Variants in NRG1 observed in about 807,000 individuals in gnomAD.
NRG1 encodes neuregulin 1, also known as pro-neuregulin-1, membrane-bound isoform.
Under a neutral mutation model 63.8 loss-of-function variants are expected in NRG1, and 18 were observed. That is an observed-to-expected ratio of 0.28 (90% CI 0.19 to 0.42). NRG1 has a LOEUF of 0.42. Among genes scored for constraint, NRG1 ranks in the 10% least tolerant of loss-of-function variants. NRG1 has a pLI of 1.00. For missense variants in NRG1, 762 were observed against 814.7 expected, an observed-to-expected ratio of 0.94 and a Z score of 0.79; for synonymous variants, 302 against 301.3, an observed-to-expected ratio of 1.00 and a Z score of -0.02.
At chr8:32,490,446 C>CAGGT (rs1826421831) in intron 1 of NRG1, among the ~76,000 whole-genome samples, 1 of 151,802 alleles carries the variant, frequency 6.6e-6, no homozygotes, top group African/African-American at 2.4e-5. Flanking sequence ...TGCAAATGAA[C>CAGGT]AGGTACTGGG....
chr8:32,136,078 C>T (rs1003090357), intron 1 of NRG1, among the ~76,000 whole-genome samples: 3 of 152,034 alleles, frequency 2.0e-5, no homozygotes, highest in Admixed American at 6.6e-5. Context: ...CATTTTTGCT[C>T]ATCTTACGAT....
intron 1 of NRG1, among the ~76,000 whole-genome samples, chr8:32,557,655 A>G (rs1389274486): frequency 1.3e-5 from 2 of 152,202 alleles, no homozygotes; most frequent in Non-Finnish European, 2.9e-5. Context: ...GATTATGATT[A>G]TAATTTTTTT....
intron 1 of NRG1, among the ~76,000 whole-genome samples, chr8:32,308,929 A>C (rs1392626739): frequency 6.6e-6 from 1 of 152,170 alleles, no homozygotes; most frequent in Non-Finnish European, 1.5e-5. Flanking sequence ...ATCACACCTC[A>C]GTGAAGACAG....
intron 1 of NRG1, among the ~76,000 whole-genome samples, chr8:32,210,437 C>G (rs1335621885): frequency 6.6e-6 from 1 of 152,148 alleles, no homozygotes; most frequent in Non-Finnish European, 1.5e-5. Flanking sequence ...CAGCTTTCAT[C>G]TCACAGACCT....
At chr8:32,366,654 TGTGTG>T (rs1808044754) in intron 1 of NRG1, among the ~76,000 whole-genome samples, 1 of 109,162 alleles carries the variant, frequency 9.2e-6, no homozygotes, top group Non-Finnish European at 2.0e-5. Flanking sequence ...TAATATATAT[TGTGTG>T]TGTGTGTGTG....
At chr8:31,878,457 A>T (rs993990588) in intron 1 of NRG1, among the ~76,000 whole-genome samples, 4 of 152,220 alleles carry the variant, frequency 2.6e-5, no homozygotes, top group Non-Finnish European at 4.4e-5. Context: ...GCCCTGAAAT[A>T]AAAAAGCAGT....
chr8:32,768,536 T>C (rs551660155), downstream of NRG1, among the ~76,000 whole-genome samples: 2 of 152,310 alleles, frequency 1.3e-5, no homozygotes, highest in African/African-American at 2.4e-5. Context: ...ATTCCCCTTA[T>C]TCTGTCAATA....
At position 31,973,185 on chromosome 8, in the gene NRG1, T is replaced by A. The variant is rs531557501; in HGVS notation, c.37+333754T>A. On this transcript the variant is annotated intron_variant, in intron 1 of 10. Transcript: ENST00000519301. ...CATATGCTTAAAAATATATACACACTCATACATATACCATCATATACTTAT... is the reference window on the plus strand; with the variant it reads ...CATATGCTTAAAAATATATACACACACATACATATACCATCATATACTTAT... Among the ~76,000 whole-genome samples, 12 of 152,256 alleles carry A rather than the reference T, an allele frequency of 7.9e-5. No homozygotes were observed. In the East Asian group the frequency reaches 1.4e-3, roughly 17 times the overall value.
chr8:32,720,852 C>T (rs894797393), intron 5 of NRG1, among the ~76,000 whole-genome samples: 3 of 152,112 alleles, frequency 2.0e-5, no homozygotes, highest in African/African-American at 4.8e-5. Flanking sequence ...AATAACCTTT[C>T]CTGGCAATCT....
In NRG1 at chr8:32,584,541, CT is replaced by C. The variant is rs200224997; in HGVS notation, c.101-11284del. Among the ~76,000 whole-genome samples, 612 of 152,274 alleles carry C rather than the reference CT, an allele frequency of 4.0e-3. 6 individuals carry two copies. Among genetic ancestry groups the C allele is most frequent in the African/African-American group, 0.014 (597 of 41,550 alleles). ...TGTAGGCCTCAACGAGTAAAGAAGG[CT>C]TTCAATCCTGGCAGGTACTAAGGTT... On this transcript the variant is annotated intron_variant, in intron 1 of 11. Transcript: ENST00000356819.
chr8:32,414,660 C>T lies in NRG1; in HGVS notation c.38-181168C>T, dbSNP rs544175278. ...CTCCTGTTTGTGGTACTTTATTTCT[C>T]CCTGTAGCAGGAGAGTAGTGCCAAC... On this transcript the variant is annotated intron_variant, in intron 1 of 10. Transcript: ENST00000519301. Among the ~76,000 whole-genome samples the T allele has an allele frequency of 3.9e-5, 6 of 152,240 alleles. No homozygotes were observed. In the South Asian group the frequency reaches 1.0e-3, roughly 26 times the overall value.
chr8:32,390,718 T>A (rs1388906699), intron 1 of NRG1, among the ~76,000 whole-genome samples: 1 of 152,112 alleles, frequency 6.6e-6, no homozygotes, highest in Non-Finnish European at 1.5e-5. Flanking sequence ...TCCATCACTG[T>A]ACTGACCATA....
chr8:32,763,709 T>C (rs1831114660), intron 11 of NRG1, 39 bp from the exon 12 acceptor site: 1 of 1,513,160 alleles, frequency 6.6e-7, no homozygotes, highest in Admixed American at 2.3e-5. Context: ...GTGCCTCTTA[T>C]TGCACCACAC....
chr8:32,222,172 C>T (rs1044995243), intron 1 of NRG1, among the ~76,000 whole-genome samples: 6 of 152,030 alleles, frequency 3.9e-5, no homozygotes, highest in Admixed American at 2.0e-4. Context: ...TTTCTAGAAA[C>T]AAAGGCTGAT....
downstream of NRG1, among the ~76,000 whole-genome samples, chr8:32,772,869 C>T (rs1831899530): frequency 6.6e-6 from 1 of 152,162 alleles, no homozygotes; most frequent in Non-Finnish European, 1.5e-5. Context: ...ACCCAACCCC[C>T]TGTAACCAGG....
intron 5 of NRG1, among the ~76,000 whole-genome samples, chr8:32,725,001 G>T (rs572753007): frequency 4.6e-5 from 7 of 152,058 alleles, no homozygotes; most frequent in Non-Finnish European, 7.4e-5. Flanking sequence ...AAAGAGGGTT[G>T]TTTCTAGTTT....
intron 1 of NRG1, among the ~76,000 whole-genome samples, chr8:32,461,172 A>G (rs571586370): frequency 6.6e-6 from 1 of 152,240 alleles, no homozygotes; most frequent in African/African-American, 2.4e-5. Context: ...TAATAGTACT[A>G]AAAACCTTTT....
At chr8:32,502,282 A>G (rs1422316746) in intron 1 of NRG1, among the ~76,000 whole-genome samples, 1 of 151,172 alleles carries the variant, frequency 6.6e-6, no homozygotes, top group African/African-American at 2.4e-5. Context: ...ACCAGATCTT[A>G]CGAGAACTCG....
chr8:32,348,916 A>G (rs1364297716), intron 1 of NRG1, among the ~76,000 whole-genome samples: 1 of 152,228 alleles, frequency 6.6e-6, no homozygotes, highest in African/African-American at 2.4e-5. Flanking sequence ...GGCCAATCAG[A>G]CTTTGAGGAC....
Sources: allele counts gnomAD v4.1 joint callset (sites outside exome capture counted in the v4.1 genomes callset), GRCh38; gene constraint gnomAD v4.1.1; transcripts MANE v1.5; gene names NCBI Gene and HGNC (gene_info 2026-07-23, HGNC 2026-07-21).